The following CYRIB variants were observed in gnomAD, a reference collection of about 807,000 sequenced individuals.
CYRIB encodes the protein CYFIP related Rac1 interactor B.
A neutral mutation model predicts 44.2 loss-of-function variants in CYRIB; 8 were observed. The ratio of observed to expected loss-of-function variants is 0.18; its 90% CI spans 0.11 to 0.33. The LOEUF (loss-of-function observed/expected upper bound fraction) is 0.33, where lower values mean the gene tolerates loss of function less well. CYRIB is among the 10% of genes least tolerant of loss of function. The pLI is 1.00. For missense variants in CYRIB, 185 were observed against 382.8 expected, an observed-to-expected ratio of 0.48 and a Z score of 4.31; for synonymous variants, 131 against 127.2, an observed-to-expected ratio of 1.03 and a Z score of -0.20.
At chr8:129,898,989 A>G (rs2135513794) in intron 2 of CYRIB, among the ~76,000 whole-genome samples, 1 of 151,802 alleles carries the variant, frequency 6.6e-6, no homozygotes, top group South Asian at 2.1e-4. Context: ...TCACCCTCCC[A>G]AGTAGCTGGG....
At chr8:129,874,343 A>C (rs2058411154) in intron 3 of CYRIB, among the ~76,000 whole-genome samples, 1 of 152,094 alleles carries the variant, frequency 6.6e-6, no homozygotes, top group Admixed American at 6.5e-5. Flanking sequence ...ACTTCACACT[A>C]ATTTCTTATA....
At chr8:129,999,042 G>A (rs886203871) in intron 1 of CYRIB, among the ~76,000 whole-genome samples, 7 of 151,834 alleles carry the variant, frequency 4.6e-5, no homozygotes, top group Non-Finnish European at 7.4e-5. Flanking sequence ...TTCTTCCCTC[G>A]CATCTATTCA....
intron 11 of CYRIB, among the ~76,000 whole-genome samples, chr8:129,846,426 C>T (rs2131174147): frequency 6.6e-6 from 1 of 152,300 alleles, no homozygotes; most frequent in Non-Finnish European, 1.5e-5. Flanking sequence ...AGTGGCTTAT[C>T]TCAAAATGGT....
intron 1 of CYRIB, among the ~76,000 whole-genome samples, chr8:129,937,316 C>T (rs370433062): frequency 6.6e-6 from 1 of 152,320 alleles, no homozygotes; most frequent in South Asian, 2.1e-4. Flanking sequence ...TAGGTTCTCA[C>T]AGTTGAATGC....
At chr8:129,923,896 G>A (rs1793355942) in intron 1 of CYRIB, among the ~76,000 whole-genome samples, 1 of 149,322 alleles carries the variant, frequency 6.7e-6, no homozygotes. Flanking sequence ...TTCTGCTATA[G>A]ATGATAATTT....
intron 2 of CYRIB, among the ~76,000 whole-genome samples, chr8:129,947,176 G>A (rs1261938525): frequency 6.6e-6 from 1 of 151,934 alleles, no homozygotes; most frequent in Non-Finnish European, 1.5e-5. Flanking sequence ...TCCTGCCTCA[G>A]CCTCCCAAGT....
At chr8:130,005,114 C>T (rs750821212) in intron 1 of CYRIB, among the ~76,000 whole-genome samples, 1 of 151,796 alleles carries the variant, frequency 6.6e-6, no homozygotes, top group Non-Finnish European at 1.5e-5. Context: ...GACTTCTGAA[C>T]TTCACAGAAT....
intron 1 of CYRIB, among the ~76,000 whole-genome samples, chr8:129,907,819 T>C (rs1465909363): frequency 6.6e-6 from 1 of 152,124 alleles, no homozygotes; most frequent in Non-Finnish European, 1.5e-5. Context: ...CTGGCCAACA[T>C]GGCGAAACCC....
chr8:129,896,503 G>A (rs1003897986), intron 2 of CYRIB, among the ~76,000 whole-genome samples: 2 of 152,188 alleles, frequency 1.3e-5, no homozygotes, highest in African/African-American at 4.8e-5. Flanking sequence ...CTTCAATGGT[G>A]TTTCCCATGT....
chr8:129,879,357 A>AAAGAGAAATAGATAT (rs1399977904), intron 3 of CYRIB, 32 bp downstream of exon 5: 4 of 1,472,202 alleles, frequency 2.7e-6, no homozygotes, highest in Non-Finnish European at 2.8e-6. Flanking sequence ...TACTGCAGGC[A>AAAGAGAAATAGATAT]AAGAGAAATA....
chr8:129,853,640 G>A (rs2044527840), intron 7 of CYRIB, among the ~76,000 whole-genome samples: 1 of 152,156 alleles, frequency 6.6e-6, no homozygotes, highest in Non-Finnish European at 1.5e-5. Flanking sequence ...TTTACTTATG[G>A]TATTTAGTTC....
rs142652256 is a variant in CYRIB, at chr8:129,982,305, C to G, written c.-295-11310G>C. ...CTGCCTCGATGAAGATGATCTCTGT[C>G]TGAACTATCCAATACCTTAGCTTGG... On this transcript the variant is annotated intron_variant, in intron 1 of 14. Coordinates refer to the CYRIB transcript ENST00000401979. Among the ~76,000 whole-genome samples the G allele has an allele frequency of 2.4e-3, 369 of 152,344 alleles. 2 individuals are homozygous for G. The highest frequency in any genetic ancestry group is 8.1e-3 in the African/African-American group (336 of 41,582).
chr8:129,937,881 TTCTC>T (rs35554242), intron 1 of CYRIB, among the ~76,000 whole-genome samples: 2,332 of 147,626 alleles, frequency 0.016, 48 homozygotes, highest in African/African-American at 0.05. Context: ...CAAATACACA[TTCTC>T]TCTCTCTCTC....
At chr8:129,856,878 C>A (rs1269356731) in intron 5 of CYRIB, among the ~76,000 whole-genome samples, 1 of 152,198 alleles carries the variant, frequency 6.6e-6, no homozygotes, top group African/African-American at 2.4e-5. Flanking sequence ...TAAACTGTCT[C>A]TGAAATAAAG....
chr8:130,005,270 G>A (rs1197522522), intron 1 of CYRIB, among the ~76,000 whole-genome samples: 3 of 152,114 alleles, frequency 2.0e-5, no homozygotes, highest in East Asian at 1.9e-4. Flanking sequence ...CGGAAAATCA[G>A]CCCAGCTCGG....
At chr8:129,953,781 A>G (rs1442155023) in intron 2 of CYRIB, among the ~76,000 whole-genome samples, 1 of 152,210 alleles carries the variant, frequency 6.6e-6, no homozygotes, top group Non-Finnish European at 1.5e-5. Context: ...AGGGAATCAG[A>G]TAAGCAAGAC....
chr8:129,850,708 T>C, intron 9 of CYRIB, 127 bp downstream of exon 11: 1 of 713,106 alleles, frequency 1.4e-6, no homozygotes, highest in South Asian at 1.6e-5. Flanking sequence ...TAACATTCAA[T>C]ATTTGGAATA....
chr8:129,883,394 C>A (rs140611840), intron 2 of CYRIB, among the ~76,000 whole-genome samples: 38 of 152,132 alleles, frequency 2.5e-4, no homozygotes, highest in African/African-American at 7.9e-4. Context: ...TGTTGTCCAG[C>A]GCAAAAATTC....
chr8:129,871,601 T>A, intron 3 of CYRIB, 105 bp from the exon 6 acceptor site: 2 of 1,128,454 alleles, frequency 1.8e-6, no homozygotes, highest in Non-Finnish European at 2.5e-6. Context: ...GATGAGTTAA[T>A]TCTAGTTAAT....
Sources: gnomAD v4.1 joint callset for allele counts (sites outside exome capture counted in the v4.1 genomes callset) on GRCh38, gnomAD v4.1.1 for gene constraint, MANE v1.5 for transcripts, NCBI Gene and HGNC (gene_info 2026-07-23, HGNC 2026-07-21) for gene names.